The following EXOC4 variants were observed in gnomAD, a reference collection of about 807,000 sequenced individuals.
EXOC4 encodes SEC8-like 1.
In EXOC4, 71 loss-of-function variants were observed where a neutral mutation model predicts 107.2. The observed-to-expected ratio is 0.66, with a 90% CI of 0.55 to 0.81. The LOEUF (loss-of-function observed/expected upper bound fraction) is 0.81, where lower values mean the gene tolerates loss of function less well. EXOC4 is among the 30% of genes least tolerant of loss of function. The pLI, the probability that EXOC4 is intolerant of heterozygous loss-of-function variation, is 0.00. For synonymous variants in EXOC4, 456 were observed against 441.2 expected (o/e 1.03, Z -0.42); for missense variants, 1,108 against 1,189.6 (o/e 0.93, Z 1.01).
At chr7:133,791,270 A>C (rs1382509943) in intron 10 of EXOC4, among the ~76,000 whole-genome samples, 3 of 152,206 alleles carry the variant, frequency 2.0e-5, no homozygotes, top group Non-Finnish European at 2.9e-5. Context: ...TGTATTTATG[A>C]ATATGAATGC....
At chr7:133,342,683 G>A (rs192953246) in intron 5 of EXOC4, among the ~76,000 whole-genome samples, 8 of 147,752 alleles carry the variant, frequency 5.4e-5, no homozygotes, top group African/African-American at 1.0e-4. Flanking sequence ...GTTGTTTAAC[G>A]TAATTCCAAA....
rs771914068 is a variant in EXOC4, at chr7:133,565,047, TAGTTAG to T, written c.1418-64990_1418-64985del. On this transcript the variant is annotated intron_variant, in intron 9 of 17. Coordinates refer to ENST00000253861, the MANE Select transcript of EXOC4 (RefSeq NM_021807.4). ...ATAGTGGTGTTGGGATGTCGAGTTT[TAGTTAG>T]AGTTAGAATTAGAATCCCAATTAGT... Among the ~76,000 whole-genome samples the T allele has an allele frequency of 8.5e-5, 13 of 152,276 alleles. No homozygotes were observed. The South Asian group carries it at 2.7e-3, about 32-fold the overall frequency.
chr7:133,354,032 T>C (rs1795969598), intron 5 of EXOC4, among the ~76,000 whole-genome samples: 1 of 152,074 alleles, frequency 6.6e-6, no homozygotes, highest in Admixed American at 6.6e-5. Context: ...TTCTTGACTT[T>C]CTCTTTATTT....
At chr7:133,822,655 G>A (rs1797549904) in intron 11 of EXOC4, among the ~76,000 whole-genome samples, 1 of 152,172 alleles carries the variant, frequency 6.6e-6, no homozygotes, top group Non-Finnish European at 1.5e-5. Context: ...AGCAAGTGTG[G>A]CCCATGGACC....
At chr7:133,377,779 C>T (rs1174445144) in intron 7 of EXOC4, among the ~76,000 whole-genome samples, 1 of 152,084 alleles carries the variant, frequency 6.6e-6, no homozygotes, top group African/African-American at 2.4e-5. Flanking sequence ...GGAAGAAAGA[C>T]ACATTGCCTA....
chr7:133,709,798 C>G lies in EXOC4; in HGVS notation c.1514+79657C>G, dbSNP rs576926138. Among the ~76,000 whole-genome samples, 163 of 152,166 alleles carry G rather than the reference C, an allele frequency of 1.1e-3. 1 individual carries two copies. The highest frequency in any genetic ancestry group is 1.7e-3 in the East Asian group (9 of 5,174). ...TAATCTCTTGTCTCAGTTTCCTCCT[C>G]TATAAAATGGGGATAGCAATAGAAC... On this transcript the variant is annotated intron_variant, in intron 10 of 17. Transcript: ENST00000253861.
intron 4 of EXOC4, among the ~76,000 whole-genome samples, chr7:133,307,912 G>A (rs1316806679): frequency 1.3e-5 from 2 of 152,226 alleles, no homozygotes; most frequent in Non-Finnish European, 2.9e-5. Context: ...ACATTATTGA[G>A]ATTTTGTGGT....
intron 17 of EXOC4, among the ~76,000 whole-genome samples, chr7:134,041,339 T>A (rs1806667): frequency 6.6e-6 from 1 of 152,038 alleles, no homozygotes; most frequent in Non-Finnish European, 1.5e-5. Context: ...GGCATAAGGT[T>A]TAGATAATTT....
chr7:133,511,472 C>A (rs1400451097), intron 9 of EXOC4, among the ~76,000 whole-genome samples: 1 of 152,114 alleles, frequency 6.6e-6, no homozygotes, highest in East Asian at 1.9e-4. Context: ...AAGGATTGTT[C>A]TTCATTTGCT....
At position 133,840,280 on chromosome 7, in the gene EXOC4, C is replaced by G. The variant is rs1218813365; in HGVS notation, c.1734+22736C>G. ...TCTAACAGTGTTGAAAGAAGCAAGA[C>G]ACAAAAGAATATGTAAAATTTGATT... On this transcript the variant is annotated intron_variant, in intron 11 of 17. Coordinates refer to ENST00000253861, the MANE Select transcript of EXOC4 (RefSeq NM_021807.4). Among the ~76,000 whole-genome samples, 5 of 151,908 alleles carry G rather than the reference C, an allele frequency of 3.3e-5. No homozygotes were observed. In the South Asian group the frequency reaches 1.0e-3, roughly 31 times the overall value.
chr7:133,952,312 G>A (rs1800711606), intron 14 of EXOC4, among the ~76,000 whole-genome samples: 1 of 152,154 alleles, frequency 6.6e-6, no homozygotes, highest in South Asian at 2.1e-4. Flanking sequence ...ATTGAAGTGG[G>A]CTTTGGAATA....
At chr7:134,069,405 TCTCCTTC>T (rs1770905394), downstream of EXOC4, among the ~76,000 whole-genome samples, 1 of 144,392 alleles carries the variant, frequency 6.9e-6, no homozygotes, top group African/African-American at 2.6e-5. Context: ...TCCCCCTACT[TCTCCTTC>T]CTCCTTCCTC....
At chr7:133,443,891 C>A (rs1315593316) in intron 7 of EXOC4, among the ~76,000 whole-genome samples, 1 of 152,116 alleles carries the variant, frequency 6.6e-6, no homozygotes, top group African/African-American at 2.4e-5. Flanking sequence ...AAGATGATGC[C>A]CAGATGAGGA....
intron 10 of EXOC4, among the ~76,000 whole-genome samples, chr7:133,640,166 A>AG (rs1425998452): frequency 6.6e-6 from 1 of 152,208 alleles, no homozygotes; most frequent in Admixed American, 6.5e-5. Context: ...GATCATTTTC[A>AG]GTACCCTAGA....
chr7:133,887,920 A>G (rs1263085367), intron 11 of EXOC4, among the ~76,000 whole-genome samples: 2 of 152,196 alleles, frequency 1.3e-5, no homozygotes, highest in Non-Finnish European at 2.9e-5. Context: ...ACACAAATAC[A>G]GAGGAATGGG....
chr7:134,024,535 A>G (rs1490745262), intron 17 of EXOC4, among the ~76,000 whole-genome samples: 3 of 152,140 alleles, frequency 2.0e-5, no homozygotes, highest in Non-Finnish European at 2.9e-5. Flanking sequence ...GTCTTTTGTT[A>G]TTTCAATAGA....
chr7:133,610,986 ATTTTTTTT>A (rs35833319), intron 9 of EXOC4, among the ~76,000 whole-genome samples: 3 of 116,820 alleles, frequency 2.6e-5, no homozygotes, highest in Non-Finnish European at 3.6e-5. Flanking sequence ...TGTTTTCTCT[ATTTTTTTT>A]TTTTTTTTTG....
chr7:133,378,760 A>G (rs1295709933), intron 7 of EXOC4, among the ~76,000 whole-genome samples: 1 of 152,098 alleles, frequency 6.6e-6, no homozygotes, highest in Non-Finnish European at 1.5e-5. Flanking sequence ...TAAATATTTG[A>G]TTAATCCAGA....
At chr7:133,422,248 A>C (rs986442804) in intron 7 of EXOC4, among the ~76,000 whole-genome samples, 1 of 152,168 alleles carries the variant, frequency 6.6e-6, no homozygotes, top group Non-Finnish European at 1.5e-5. Context: ...GATAGGCAAA[A>C]CTGAAAACAA....
Sources: gnomAD v4.1 joint callset for allele counts (sites outside exome capture counted in the v4.1 genomes callset) on GRCh38, gnomAD v4.1.1 for gene constraint, MANE v1.5 for transcripts, NCBI Gene and HGNC (gene_info 2026-07-23, HGNC 2026-07-21) for gene names.